Variants in CSE1L observed in about 807,000 individuals in gnomAD.
CSE1L encodes exportin-2.
Under a neutral mutation model 120.4 loss-of-function variants are expected in CSE1L, and 24 were observed. That is an observed-to-expected ratio of 0.20 (90% CI 0.14 to 0.28). CSE1L has a LOEUF of 0.28. Ranked by LOEUF, CSE1L falls within the 10% of genes least tolerant of loss-of-function variation. CSE1L has a pLI of 1.00. For synonymous variants in CSE1L, 402 were observed against 398.3 expected (o/e 1.01, Z -0.11); for missense variants, 830 against 1,145.2 (o/e 0.72, Z 3.97).
intron 1 of CSE1L, among the ~76,000 whole-genome samples, chr20:49,057,869 T>A (rs2091821118): frequency 6.6e-6 from 1 of 152,096 alleles, no homozygotes; most frequent in Non-Finnish European, 1.5e-5. Context: ...TGACCTCAGG[T>A]GATCCGCCTG....
chr20:49,073,199 G>GACAGGGTTTCACCATGTTGT, intron 10 of CSE1L, among the ~76,000 whole-genome samples: 1 of 152,172 alleles, frequency 6.6e-6, no homozygotes, highest in Non-Finnish European at 1.5e-5. Flanking sequence ...TTTTGGTAGA[G>GACAGGGTTTCACCATGTTGT]ACAGGGTTTC....
At chr20:49,087,249 G>A (rs1380204051) in intron 16 of CSE1L, among the ~76,000 whole-genome samples, 1 of 151,904 alleles carries the variant, frequency 6.6e-6, no homozygotes, top group African/African-American at 2.4e-5. Context: ...TTTTTTGAGG[G>A]AGGTGGATAG....
chr20:49,085,884 T>G (rs1223339415), intron 16 of CSE1L, among the ~76,000 whole-genome samples: 1 of 152,164 alleles, frequency 6.6e-6, no homozygotes. Context: ...CTTAATTTGA[T>G]ATGGAACTTC....
At chr20:49,065,304 G>GA (rs73623295) in intron 3 of CSE1L, among the ~76,000 whole-genome samples, 13,740 of 72,822 alleles carry the variant, frequency 0.19, 2,017 homozygotes, top group African/African-American at 0.34. Flanking sequence ...CATATGAAAT[G>GA]AAAAAAAAAT....
intron 16 of CSE1L, among the ~76,000 whole-genome samples, chr20:49,086,110 C>G (rs1048352521): frequency 1.2e-4 from 18 of 152,220 alleles, no homozygotes; most frequent in African/African-American, 4.1e-4. Flanking sequence ...TATCCATCCA[C>G]CAGGCACTAC....
At chr20:49,094,079 C>T (rs2092122190) in intron 22 of CSE1L, 61 bp from the exon 23 acceptor site, 2 of 1,030,772 alleles carry the variant, frequency 1.9e-6, no homozygotes, top group African/African-American at 3.3e-5. Flanking sequence ...AACATCTAAG[C>T]ATTTTACTAT....
chr20:49,093,973 A>G (rs995404796), intron 22 of CSE1L, among the ~76,000 whole-genome samples, 167 bp from the exon 23 acceptor site: 32 of 151,956 alleles, frequency 2.1e-4, no homozygotes, highest in African/African-American at 7.0e-4. Context: ...TAGAGGTGTG[A>G]TGGGGTTTTT....
intron 7 of CSE1L, among the ~76,000 whole-genome samples, chr20:49,069,870 CGTA>C (rs2091919606): frequency 6.6e-6 from 1 of 152,164 alleles, no homozygotes; most frequent in Admixed American, 6.5e-5. Context: ...TTACAATAAA[CGTA>C]GTTCAGAAAA....
intron 14 of CSE1L, among the ~76,000 whole-genome samples, chr20:49,078,914 T>C (rs1455107596): frequency 6.6e-6 from 1 of 152,206 alleles, no homozygotes; most frequent in Non-Finnish European, 1.5e-5. Context: ...TTGTTTGAGA[T>C]GGAGTCTCAT....
chr20:49,088,618 TA>T (rs1246263811), intron 17 of CSE1L, among the ~76,000 whole-genome samples: 1 of 152,250 alleles, frequency 6.6e-6, no homozygotes, highest in Non-Finnish European at 1.5e-5. Context: ...TTTTAGATGC[TA>T]TTCTTGATCT....
At chr20:49,059,958 G>A (rs2091839132) in intron 2 of CSE1L, among the ~76,000 whole-genome samples, 1 of 152,098 alleles carries the variant, frequency 6.6e-6, no homozygotes, top group Non-Finnish European at 1.5e-5. Flanking sequence ...GCCAAGGCAG[G>A]AAGATCCCTT....
chr20:49,078,703 G>A (rs1205220941), intron 14 of CSE1L, 81 bp downstream of exon 14: 2 of 857,164 alleles, frequency 2.3e-6, no homozygotes, highest in Non-Finnish European at 3.5e-6. Context: ...CTACTGTGCA[G>A]TCATTTTATA....
At chr20:49,061,297 T>C (rs6019619) in intron 2 of CSE1L, among the ~76,000 whole-genome samples, 53,236 of 139,114 alleles carry the variant, frequency 0.38, 10,283 homozygotes, top group African/African-American at 0.55. Flanking sequence ...CTCAGCCTCC[T>C]GAGTAGCTGG....
rs140042371 is a variant in CSE1L, at chr20:49,066,006, T to C, written c.229-186T>C. Among the ~76,000 whole-genome samples, 44 of 152,334 alleles carry C rather than the reference T, an allele frequency of 2.9e-4. No individual in the cohort carries two copies. In the East Asian group the frequency reaches 8.3e-3, roughly 29 times the overall value. On this transcript the variant is annotated intron_variant, in intron 3 of 24. Transcript: ENST00000262982. ...GTTTTTCTGGGAAAAGGATTCACGC[T>C]GTCATCAGATTATTGAAGGAATCTG...
In CSE1L at chr20:49,066,215, T is replaced by C; in HGVS notation, c.252T>C (p.Ile84=). 6.2e-7 allele frequency: 1 copy of C among 1,614,200 alleles called. No homozygotes were observed. The highest frequency in any genetic ancestry group is 8.5e-7 in the Non-Finnish European group (1 of 1,180,014). The part of the protein sequence containing the change: ...WRIVEDEPNK[I]CEADRVAIKA... ...AGGTTGAAGATGAACCAAACAAAAT[T>C]TGTGAAGCCGATCGAGTGGCCATTA... Residue 84 remains isoleucine, a synonymous_variant, in exon 4 of 25, where the codon ATT becomes ATC. Coordinates refer to ENST00000262982, the MANE Select transcript of CSE1L (RefSeq NM_001316.4).
chr20:49,089,719 A>G lies in CSE1L; in HGVS notation c.2154A>G (p.Thr718=). The G allele has an allele frequency of 6.2e-7, 1 of 1,614,226 alleles. No homozygotes were observed. The highest frequency in any genetic ancestry group is 8.5e-7 in the Non-Finnish European group (1 of 1,180,024). The change falls in exon 19 of 25, where the codon ACA becomes ACG. Residue 718 remains threonine (T), a synonymous_variant. Transcript: ENST00000262982. ...CATTCTTAGAACGCGGTTCAAACAC[A>G]ATAGCAAGTGCTGCAGCTGACAAAA... ...LQAFLERGSN[T]IASAAADKIP... is the part of the protein sequence containing the mutation.
intron 2 of CSE1L, among the ~76,000 whole-genome samples, chr20:49,059,934 C>T (rs2091838967): frequency 6.6e-6 from 1 of 151,674 alleles, no homozygotes; most frequent in South Asian, 2.1e-4. Context: ...CCTTTAATCC[C>T]AGTAATTTGG....
chr20:49,078,401 TC>T (rs2091985175), intron 13 of CSE1L, among the ~76,000 whole-genome samples, 159 bp from the exon 14 acceptor site: 1 of 152,214 alleles, frequency 6.6e-6, no homozygotes, highest in Non-Finnish European at 1.5e-5. Flanking sequence ...TCATTTATAA[TC>T]CTACCAAAAT....
intron 14 of CSE1L, among the ~76,000 whole-genome samples, chr20:49,083,305 C>T (rs959283814): frequency 1.3e-5 from 2 of 152,190 alleles, no homozygotes; most frequent in Non-Finnish European, 2.9e-5. Flanking sequence ...AGGCGTGAGC[C>T]GCCACTGCGC....
Sources: allele counts gnomAD v4.1 joint callset (sites outside exome capture counted in the v4.1 genomes callset), GRCh38; gene constraint gnomAD v4.1.1; transcripts MANE v1.5; gene names NCBI Gene and HGNC (gene_info 2026-07-23, HGNC 2026-07-21).